Variants in SMPDL3A observed in about 807,000 individuals in gnomAD.
SMPDL3A encodes the protein sphingomyelin phosphodiesterase acid like 3A, also known as cyclic GMP-AMP phosphodiesterase SMPDL3A.
In SMPDL3A, 39 loss-of-function variants were observed where a neutral mutation model predicts 38.5. The observed-to-expected ratio is 1.01, with a 90% CI of 0.78 to 1.32. SMPDL3A has a LOEUF of 1.32. SMPDL3A is among the 40% of genes most tolerant of loss of function. SMPDL3A has a pLI of 0.00. For synonymous variants in SMPDL3A, 180 were observed against 194.3 expected (o/e 0.93, Z 0.61); for missense variants, 502 against 536.2 (o/e 0.94, Z 0.63).
At chr6:122,807,951 G>A (rs537304632) in intron 7 of SMPDL3A, among the ~76,000 whole-genome samples, 179 of 152,184 alleles carry the variant, frequency 1.2e-3, no homozygotes, top group African/African-American at 4.0e-3. Context: ...ATCTATATAT[G>A]TGTTTATGTA....
intron 3 of SMPDL3A, among the ~76,000 whole-genome samples, chr6:122,798,340 T>TGA (rs1781318917): frequency 1.3e-5 from 2 of 152,152 alleles, no homozygotes; most frequent in South Asian, 4.1e-4. Context: ...CAGCCCAAGG[T>TGA]CACACACATT....
intron 7 of SMPDL3A, among the ~76,000 whole-genome samples, chr6:122,806,751 T>G (rs1163465918): frequency 6.6e-6 from 1 of 152,216 alleles, no homozygotes; most frequent in Non-Finnish European, 1.5e-5. Flanking sequence ...TTCTAAACTT[T>G]TCTGTGTCCC....
chr6:122,789,542 G>C (rs973127853), intron 1 of SMPDL3A, 84 bp downstream of exon 1: 2 of 1,220,560 alleles, frequency 1.6e-6, no homozygotes, highest in Admixed American at 2.1e-5. Flanking sequence ...AAAGTGCGTG[G>C]GGGCAGCTGC....
chr6:122,801,524 T>C, intron 4 of SMPDL3A, 118 bp downstream of exon 4: 2 of 712,292 alleles, frequency 2.8e-6, no homozygotes, highest in Non-Finnish European at 5.0e-6. Flanking sequence ...CCAGTTTTTG[T>C]GGAGGACAGT....
At chr6:122,807,931 G>T (rs548557656) in intron 7 of SMPDL3A, among the ~76,000 whole-genome samples, 1 of 151,994 alleles carries the variant, frequency 6.6e-6, no homozygotes, top group Non-Finnish European at 1.5e-5. Flanking sequence ...ACACACACAC[G>T]TATATATCCA....
intron 4 of SMPDL3A, 21 bp downstream of exon 4, chr6:122,801,427 T>G: frequency 6.7e-7 from 1 of 1,499,336 alleles, no homozygotes; most frequent in South Asian, 1.1e-5. Context: ...GACTTAGTTA[T>G]TCCTATTTTG....
At chr6:122,789,551 G>T (rs1302768320) in intron 1 of SMPDL3A, 93 bp downstream of exon 1, 10 of 1,155,072 alleles carry the variant, frequency 8.7e-6, no homozygotes, top group Non-Finnish European at 1.1e-5. Context: ...GGGGGCAGCT[G>T]CCCCCGGCAG....
chr6:122,805,186 T>G, intron 6 of SMPDL3A, 97 bp downstream of exon 6: 1 of 1,057,266 alleles, frequency 9.5e-7, no homozygotes, highest in Middle Eastern at 2.1e-4. Context: ...TTAAACGTTT[T>G]ATTTAAAAAT....
rs777644534 is a variant in SMPDL3A, at chr6:122,803,738, G to A, written c.643G>A (p.Gly215Ser). Residue 215 changes from glycine (G) to serine (S), a missense_variant, in exon 5 of 8, where the codon GGC becomes AGC. Gly to Ser is a moderately conservative substitution (Grantham distance 56). Coordinates refer to ENST00000368440, the MANE Select transcript of SMPDL3A (RefSeq NM_006714.5). ...IISLNTNLYY[G>S]PNIMTLNKTD... ...CAGTCTAAACACAAACTTGTACTAC[G>A]GCCCAAATATAATGACACTGAACAA... 2.2e-5 allele frequency: 36 copies of A among 1,613,702 alleles called. No homozygotes were observed. Among genetic ancestry groups the A allele is most frequent in the East Asian group, 1.3e-4 (6 of 44,862 alleles).
chr6:122,802,286 C>A (rs1781451965), intron 4 of SMPDL3A, among the ~76,000 whole-genome samples: 1 of 151,380 alleles, frequency 6.6e-6, no homozygotes, highest in African/African-American at 2.4e-5. Context: ...ACAGCAACCT[C>A]TGCCTCCTGG....
In SMPDL3A at chr6:122,809,222, T is replaced by TAAAC. The variant is rs1781769326; in HGVS notation, c.1179_1182dup (p.Phe395ThrfsTer8). 1 of 1,614,182 alleles carries TAAAC rather than the reference T, an allele frequency of 6.2e-7. No individual in the cohort carries two copies. Among genetic ancestry groups the TAAAC allele is most frequent in the African/African-American group, 1.3e-5 (1 of 75,048 alleles). On this transcript the variant is annotated frameshift_variant, in exon 8 of 8. Transcript: ENST00000368440. LOFTEE classifies it low-confidence loss of function (END_TRUNC). The stretch of plus-strand genomic sequence containing the variant: ...AGCCGGAAAGTTTATATGGATTAGC[T>TAAAC]AAACAATTTACAATCCTAGACAGTA...
chr6:122,789,757 C>G (rs571931775), intron 1 of SMPDL3A: 21 of 852,692 alleles, frequency 2.5e-5, no homozygotes, highest in Non-Finnish European at 3.0e-5. Context: ...TGTTTACATC[C>G]TGCATCTCAG....
chr6:122,790,600 C>G (rs950653455), intron 1 of SMPDL3A, among the ~76,000 whole-genome samples: 1 of 152,164 alleles, frequency 6.6e-6, no homozygotes, highest in Non-Finnish European at 1.5e-5. Context: ...AGGCCAAGTC[C>G]TCACGACTCA....
intron 1 of SMPDL3A, among the ~76,000 whole-genome samples, chr6:122,795,335 G>C (rs1488188937): frequency 2.6e-5 from 4 of 152,032 alleles, no homozygotes; most frequent in African/African-American, 9.7e-5. Context: ...TAGAGATGGG[G>C]TTTCACCATG....
At chr6:122,792,690 T>G (rs1434448614) in intron 1 of SMPDL3A, among the ~76,000 whole-genome samples, 2 of 150,868 alleles carry the variant, frequency 1.3e-5, no homozygotes, top group Non-Finnish European at 3.0e-5. Flanking sequence ...GTGGAGTGCC[T>G]TGGCCCAATC....
intron 7 of SMPDL3A, among the ~76,000 whole-genome samples, chr6:122,808,633 TCCTTCCTTCC>T (rs1562357822): frequency 8.9e-5 from 7 of 78,330 alleles, no homozygotes; most frequent in Admixed American, 2.6e-4. Context: ...CTTCCTTCCT[TCCTTCCTTCC>T]CCCCCTCCTC....
intron 3 of SMPDL3A, among the ~76,000 whole-genome samples, chr6:122,797,591 C>G (rs1582543476): frequency 6.6e-6 from 1 of 152,134 alleles, no homozygotes; most frequent in Non-Finnish European, 1.5e-5. Context: ...AGATGGCCGT[C>G]CGGTTTACAG....
intron 7 of SMPDL3A, 66 bp downstream of exon 7, chr6:122,806,423 G>T: frequency 6.7e-7 from 1 of 1,498,590 alleles, no homozygotes; most frequent in Non-Finnish European, 9.1e-7. Context: ...CATTAATTTA[G>T]TTGAATTTTT....
In SMPDL3A at chr6:122,809,092, A is replaced by T; in HGVS notation, c.1046A>T (p.Asp349Val). The T allele has an allele frequency of 6.2e-7, 1 of 1,612,816 alleles. No homozygotes were observed. The highest frequency in any genetic ancestry group is 8.5e-7 in the Non-Finnish European group (1 of 1,178,962). Reference protein sequence around the residue: ...QYDPRDYKLLDMLQYYLNLTE... With the variant: ...QYDPRDYKLLVMLQYYLNLTE... ...TTTTGTTACTGTTCTTAACTGCAGG[A>T]TATGTTGCAGTATTACTTGAATCTG... is the stretch of plus-strand genomic sequence containing the variant. Residue 349 changes from aspartate to valine, a missense_variant and splice_region_variant, in exon 8 of 8, where the codon GAT (aspartate) becomes GTT (valine). By Grantham distance (152) the Asp-to-Val change is radical. Coordinates refer to ENST00000368440, the MANE Select transcript of SMPDL3A (RefSeq NM_006714.5).
Sources: gnomAD v4.1 joint callset for allele counts (sites outside exome capture counted in the v4.1 genomes callset) on GRCh38, gnomAD v4.1.1 for gene constraint, MANE v1.5 for transcripts, NCBI Gene and HGNC (gene_info 2026-07-23, HGNC 2026-07-21) for gene names.